The following SLC39A11 variants were observed in gnomAD, a reference collection of about 807,000 sequenced individuals.
SLC39A11 encodes the protein zinc transporter ZIP11.
A neutral mutation model predicts 36.1 loss-of-function variants in SLC39A11; 33 were observed. The observed-to-expected ratio is 0.91, with a 90% CI of 0.69 to 1.22. The LOEUF (loss-of-function observed/expected upper bound fraction) is 1.22, where lower values mean the gene tolerates loss of function less well. SLC39A11 is among the 50% of genes most tolerant of loss of function. The pLI is 0.00. For synonymous variants in SLC39A11, 166 were observed against 170.3 expected, an observed-to-expected ratio of 0.97 and a Z score of 0.20; for missense variants, 432 against 430.3, an observed-to-expected ratio of 1.00 and a Z score of -0.03.
chr17:72,930,984 AG>A (rs1598458365), intron 5 of SLC39A11, among the ~76,000 whole-genome samples: 2 of 152,220 alleles, frequency 1.3e-5, no homozygotes, highest in African/African-American at 4.8e-5. Flanking sequence ...CCAACCACCC[AG>A]GAAATGCTGC....
intron 3 of SLC39A11, among the ~76,000 whole-genome samples, chr17:73,043,862 T>C (rs2059186548): frequency 6.6e-6 from 1 of 152,224 alleles, no homozygotes; most frequent in East Asian, 1.9e-4. Context: ...GGCATGTCAG[T>C]TATTAATCAT....
chr17:72,714,311 A>G (rs1430507000), intron 7 of SLC39A11, among the ~76,000 whole-genome samples: 1 of 152,018 alleles, frequency 6.6e-6, no homozygotes, highest in Non-Finnish European at 1.5e-5. Flanking sequence ...AGCTGAGATC[A>G]CGCCACTGCA....
At chr17:73,056,735 G>T (rs2059682156) in intron 3 of SLC39A11, among the ~76,000 whole-genome samples, 2 of 152,078 alleles carry the variant, frequency 1.3e-5, no homozygotes, top group Non-Finnish European at 2.9e-5. Context: ...GATCCAAGGG[G>T]TCTCCATGAA....
chr17:72,758,771 C>A (rs879837127), intron 6 of SLC39A11, among the ~76,000 whole-genome samples: 1 of 152,230 alleles, frequency 6.6e-6, no homozygotes, highest in Middle Eastern at 3.2e-3. Context: ...GAAATCCCCA[C>A]CTGTGGAAGC....
intron 7 of SLC39A11, among the ~76,000 whole-genome samples, chr17:72,656,146 A>G (rs548148378): frequency 1.8e-4 from 27 of 152,200 alleles, no homozygotes; most frequent in Non-Finnish European, 3.2e-4. Context: ...AGGATGGGCC[A>G]TGAAAATTCA....
At chr17:72,820,306 C>G (rs2145538827) in intron 6 of SLC39A11, among the ~76,000 whole-genome samples, 2 of 151,328 alleles carry the variant, frequency 1.3e-5, no homozygotes, top group South Asian at 4.2e-4. Context: ...CCCCCAGGGT[C>G]ACATGGAGCC....
At chr17:73,081,414 G>C (rs1305317504) in intron 3 of SLC39A11, among the ~76,000 whole-genome samples, 1 of 151,986 alleles carries the variant, frequency 6.6e-6, no homozygotes, top group East Asian at 1.9e-4. Flanking sequence ...CAGTGTGGAA[G>C]TTCCTTTTAA....
At chr17:72,982,681 C>T (rs957374394) in intron 4 of SLC39A11, among the ~76,000 whole-genome samples, 4 of 141,240 alleles carry the variant, frequency 2.8e-5, no homozygotes, top group African/African-American at 5.2e-5. Flanking sequence ...TTTTCTAATT[C>T]GTTGCCAAGT....
intron 6 of SLC39A11, among the ~76,000 whole-genome samples, chr17:72,840,772 T>C (rs2078769689): frequency 1.4e-5 from 2 of 142,830 alleles, no homozygotes; most frequent in South Asian, 2.3e-4. Context: ...AGAAAGAAAA[T>C]TGGCTGGGTG....
At chr17:72,943,892 A>G (rs1363354907) in intron 5 of SLC39A11, among the ~76,000 whole-genome samples, 1 of 152,134 alleles carries the variant, frequency 6.6e-6, no homozygotes, top group Non-Finnish European at 1.5e-5. Context: ...CATGTAACCT[A>G]AGCATGCTCA....
intron 4 of SLC39A11, among the ~76,000 whole-genome samples, chr17:72,967,154 T>G (rs1378827461): frequency 6.6e-6 from 1 of 152,178 alleles, no homozygotes; most frequent in African/African-American, 2.4e-5. Flanking sequence ...CATTATAGAT[T>G]ACAATGTAAC....
At chr17:72,825,865 T>G (rs982264966) in intron 6 of SLC39A11, among the ~76,000 whole-genome samples, 1 of 152,236 alleles carries the variant, frequency 6.6e-6, no homozygotes, top group African/African-American at 2.4e-5. Flanking sequence ...TCACTGTATC[T>G]TAGAAGTAAC....
chr17:73,088,844 G>T, intron 1 of SLC39A11, 69 bp from the exon 2 acceptor site: 1 of 1,142,132 alleles, frequency 8.8e-7, no homozygotes, highest in Non-Finnish European at 1.3e-6. Context: ...ATTCTGACGG[G>T]TCCTAACACC....
At chr17:73,059,895 G>A (rs1168910397) in intron 3 of SLC39A11, among the ~76,000 whole-genome samples, 1 of 151,994 alleles carries the variant, frequency 6.6e-6, no homozygotes. Context: ...GTTTGTGGAC[G>A]GTGAATCATG....
chr17:72,926,394 T>C (rs1036303337), intron 5 of SLC39A11, among the ~76,000 whole-genome samples: 5 of 152,178 alleles, frequency 3.3e-5, no homozygotes, highest in African/African-American at 7.2e-5. Context: ...TGAGAAAATG[T>C]CTGAAAATGC....
chr17:73,021,498 T>C (rs1402750912), intron 4 of SLC39A11, among the ~76,000 whole-genome samples: 7 of 152,042 alleles, frequency 4.6e-5, no homozygotes, highest in Non-Finnish European at 8.8e-5. Context: ...GGCACCACCA[T>C]GCCCGGCTAA....
intron 3 of SLC39A11, among the ~76,000 whole-genome samples, chr17:73,074,472 T>C (rs190484748): frequency 6.6e-6 from 1 of 152,170 alleles, no homozygotes; most frequent in Admixed American, 6.5e-5. Context: ...TAATTTTTTG[T>C]ATTTTTAGTA....
At position 72,745,804 on chromosome 17, in the gene SLC39A11, C is replaced by T. The variant is rs149031218; in HGVS notation, c.602-9085G>A. Among the ~76,000 whole-genome samples the T allele has an allele frequency of 9.1e-3, 1,381 of 152,248 alleles. 27 individuals carry two copies. The highest frequency in any genetic ancestry group is 0.032 in the African/African-American group (1,325 of 41,536). ...ATGCAGAAAATAAGCGGTGATGCTA[C>T]GACTTTTCCTCCTTGATTTAAAAAA... On this transcript the variant is annotated intron_variant, in intron 6 of 9. Coordinates refer to ENST00000255559, the MANE Select transcript of SLC39A11 (RefSeq NM_139177.4).
At chr17:73,083,680 C>T (rs1342031396) in intron 3 of SLC39A11, among the ~76,000 whole-genome samples, 4 of 150,776 alleles carry the variant, frequency 2.7e-5, no homozygotes, top group Non-Finnish European at 5.9e-5. Context: ...ATTCTAGAGA[C>T]AAATGACCCA....
Sources: gnomAD v4.1 joint callset for allele counts (sites outside exome capture counted in the v4.1 genomes callset) on GRCh38, gnomAD v4.1.1 for gene constraint, MANE v1.5 for transcripts, NCBI Gene and HGNC (gene_info 2026-07-23, HGNC 2026-07-21) for gene names.